Variants in ANO6 observed in about 807,000 individuals in gnomAD.
The protein encoded by ANO6 is anoctamin 6, also known as anoctamin-6.
A neutral mutation model predicts 117.5 loss-of-function variants in ANO6; 106 were observed. That is an observed-to-expected ratio of 0.90 (90% CI 0.77 to 1.06). The LOEUF (loss-of-function observed/expected upper bound fraction) is 1.06. Among genes scored for constraint, ANO6 ranks in the 50% least tolerant of loss-of-function variants. The pLI, the probability that ANO6 is intolerant of heterozygous loss-of-function variation, is 0.00. For missense variants in ANO6, 955 were observed against 1,121.1 expected, an observed-to-expected ratio of 0.85 and a Z score of 2.12; for synonymous variants, 367 against 385.1, an observed-to-expected ratio of 0.95 and a Z score of 0.55.
chr12:45,317,839 C>T (rs535800592), intron 2 of ANO6, among the ~76,000 whole-genome samples: 5 of 152,182 alleles, frequency 3.3e-5, no homozygotes, highest in Admixed American at 2.0e-4. Flanking sequence ...TGATACCTCA[C>T]TGTGGTTTTG....
Position 45,216,372 on chromosome 12 carries a change from C to G in ANO6, c.51C>G (p.Asp17Glu). The G allele has an allele frequency of 1.2e-6, 2 of 1,612,762 alleles. No homozygotes were observed. Among genetic ancestry groups the G allele is most frequent in the Non-Finnish European group, 1.7e-6 (2 of 1,179,400 alleles). ...NVLLQMEEEEDDDDGDIVLEN... is the reference protein window; with the variant it reads ...NVLLQMEEEEEDDDGDIVLEN... The stretch of plus-strand genomic sequence containing the variant: ...TGCTACAAATGGAGGAGGAGGAGGA[C>G]GACGACGATGGGGATATCGGTGAGC... The change falls in exon 1 of 20, where the codon GAC becomes GAG. Residue 17 changes from aspartate (D) to glutamate (E), a missense_variant. Transcript: ENST00000320560.
At chr12:45,395,709 T>C (rs974827220) in intron 12 of ANO6, among the ~76,000 whole-genome samples, 2 of 152,152 alleles carry the variant, frequency 1.3e-5, no homozygotes, top group Non-Finnish European at 2.9e-5. Context: ...ATAAACGTAA[T>C]CTATCACATA....
intron 1 of ANO6, among the ~76,000 whole-genome samples, chr12:45,244,446 A>T (rs1380948838): frequency 6.9e-6 from 1 of 145,108 alleles, no homozygotes; most frequent in Non-Finnish European, 1.5e-5. Context: ...GTGGGCCTGG[A>T]GGAGGAGTAT....
Position 45,439,863 on chromosome 12 carries a change from TTC to T in ANO6, c.2717_2718del (p.Ser906CysfsTer71). 1 of 1,533,454 alleles carries T rather than the reference TTC, an allele frequency of 6.5e-7. No homozygotes were observed. The highest frequency in any genetic ancestry group is 8.8e-7 in the Non-Finnish European group (1 of 1,140,120). The allele number at this position is 1,533,454 out of a possible 1,614,324, so 95.0% of individuals were successfully genotyped here. A position where few individuals can be genotyped will look rare whatever the true frequency, so the allele number is the denominator to read the frequency against. On this transcript the variant is annotated frameshift_variant, in exon 20 of 20. Coordinates refer to the ANO6 transcript ENST00000425752. LOFTEE classifies it low-confidence loss of function (END_TRUNC). ...CTATTTCAATAATATCTATTTTCTTTTCTGTTACTTTCTTTTTCCTTCTACTT... is the reference window on the plus strand; with the variant it reads ...CTATTTCAATAATATCTATTTTCTTTTGTTACTTTCTTTTTCCTTCTACTT...
chr12:45,333,247 C>T (rs1209815852), intron 3 of ANO6, among the ~76,000 whole-genome samples: 1 of 151,788 alleles, frequency 6.6e-6, no homozygotes, highest in Non-Finnish European at 1.5e-5. Flanking sequence ...TAAAATAATG[C>T]CCTGATATGA....
chr12:45,389,035 A>C (rs1942373448), intron 11 of ANO6, among the ~76,000 whole-genome samples: 1 of 152,220 alleles, frequency 6.6e-6, no homozygotes, highest in South Asian at 2.1e-4. Flanking sequence ...TTGTACTTGC[A>C]GTCATCAGCA....
intron 1 of ANO6, among the ~76,000 whole-genome samples, chr12:45,281,333 G>C (rs1026100539): frequency 1.3e-5 from 2 of 152,060 alleles, no homozygotes; most frequent in Non-Finnish European, 1.5e-5. Context: ...TTTTTCCCAT[G>C]TTATTCCATT....
At chr12:45,240,601 C>T (rs117867263) in intron 1 of ANO6, among the ~76,000 whole-genome samples, 3,518 of 151,910 alleles carry the variant, frequency 0.023, 55 homozygotes, top group East Asian at 0.045. Context: ...TTATGATCTT[C>T]GCTGGTTATT....
At chr12:45,355,026 A>G (rs1268958876) in intron 7 of ANO6, among the ~76,000 whole-genome samples, 2 of 152,192 alleles carry the variant, frequency 1.3e-5, no homozygotes, top group Non-Finnish European at 2.9e-5. Context: ...AGGGAAGTAA[A>G]TATTCTAAGC....
intron 1 of ANO6, among the ~76,000 whole-genome samples, chr12:45,237,033 A>C (rs1266362704): frequency 6.6e-6 from 1 of 152,164 alleles, no homozygotes; most frequent in Non-Finnish European, 1.5e-5. Context: ...TCTTCTTTTG[A>C]GAAGTGTCTG....
chr12:45,225,460 G>A (rs931803051), intron 1 of ANO6, among the ~76,000 whole-genome samples: 2 of 151,480 alleles, frequency 1.3e-5, no homozygotes, highest in African/African-American at 4.8e-5. Context: ...CATAGTAGAT[G>A]TTCAACAAAA....
intron 1 of ANO6, among the ~76,000 whole-genome samples, chr12:45,271,666 A>G (rs1259217547): frequency 6.6e-6 from 1 of 152,174 alleles, no homozygotes; most frequent in Non-Finnish European, 1.5e-5. Context: ...CACTATTTAC[A>G]TTTACCCTTG....
At chr12:45,355,697 C>T (rs1489886319) in intron 7 of ANO6, among the ~76,000 whole-genome samples, 1 of 152,182 alleles carries the variant, frequency 6.6e-6, no homozygotes, top group Non-Finnish European at 1.5e-5. Context: ...CTCCCATCTC[C>T]CGATTCCACC....
intron 2 of ANO6, among the ~76,000 whole-genome samples, chr12:45,309,577 T>TC (rs1939783778): frequency 6.6e-6 from 1 of 151,908 alleles, no homozygotes; most frequent in Non-Finnish European, 1.5e-5. Flanking sequence ...TTTTTTTTTT[T>TC]TCCCTGAGTA....
chr12:45,430,176 A>T lies in ANO6; in HGVS notation c.*865A>T. On this transcript the variant is annotated 3_prime_UTR_variant, in exon 20 of 20. Transcript: ENST00000320560. ...GTTTCTTGGAAAACAGTGATATCAC[A>T]TGATTAAAATTACATTTTTATCAAC... 1.0e-6 allele frequency: 1 copy of T among 985,426 alleles called. No individual in the cohort carries two copies. The highest frequency in any genetic ancestry group is 1.2e-6 in the Non-Finnish European group (1 of 829,906). 61.0% of individuals were successfully genotyped at this position (985,426 alleles called of 1,614,324 possible).
chr12:45,289,384 A>G (rs1298435936), intron 1 of ANO6, among the ~76,000 whole-genome samples: 1 of 151,782 alleles, frequency 6.6e-6, no homozygotes, highest in Admixed American at 6.6e-5. Context: ...GGTCAGGCTG[A>G]TCTTGACCTC....
chr12:45,429,498 A>G lies in ANO6; in HGVS notation c.*187A>G, dbSNP rs1943584771. ...AACTGGAAAATGTAAAACTTAGATC[A>G]TGAAGGGCATAAAACTTATCACCCG... On this transcript the variant is annotated 3_prime_UTR_variant, in exon 20 of 20. Transcript: ENST00000320560. 1 of 1,417,234 alleles carries G rather than the reference A, an allele frequency of 7.1e-7. No homozygotes were observed. The highest frequency in any genetic ancestry group is 9.2e-7 in the Non-Finnish European group (1 of 1,090,162). The allele number at this position is 1,417,234 out of a possible 1,614,324, so 87.8% of individuals were successfully genotyped here. A position where few individuals can be genotyped will look rare whatever the true frequency, so the allele number is the denominator to read the frequency against.
At chr12:45,266,303 TTCA>T (rs1938212383) in intron 1 of ANO6, among the ~76,000 whole-genome samples, 1 of 152,164 alleles carries the variant, frequency 6.6e-6, no homozygotes, top group East Asian at 1.9e-4. Flanking sequence ...TTTAAAAATA[TTCA>T]TAAATTTGTA....
At chr12:45,316,023 T>C (rs1421074674) in intron 2 of ANO6, among the ~76,000 whole-genome samples, 1 of 152,086 alleles carries the variant, frequency 6.6e-6, no homozygotes, top group Non-Finnish European at 1.5e-5. Context: ...GTTCTCTAAA[T>C]AATTCCTTTA....
Sources: allele counts gnomAD v4.1 joint callset (sites outside exome capture counted in the v4.1 genomes callset), GRCh38; gene constraint gnomAD v4.1.1; transcripts MANE v1.5; gene names NCBI Gene and HGNC (gene_info 2026-07-23, HGNC 2026-07-21).